Variants in MCC observed in about 807,000 individuals in gnomAD.
MCC encodes MCC regulator of Wnt signaling pathway.
Under a neutral mutation model 116.2 loss-of-function variants are expected in MCC, and 90 were observed. The ratio of observed to expected loss-of-function variants is 0.77; its 90% CI spans 0.65 to 0.92. The LOEUF (loss-of-function observed/expected upper bound fraction) is 0.92. MCC is among the 40% of genes least tolerant of loss of function. The probability of loss-of-function intolerance (pLI) is 0.00; values close to 1 mark genes in which losing one functional copy is unlikely to be tolerated. For synonymous variants in MCC, 578 were observed against 510.5 expected (o/e 1.13, Z -1.78); for missense variants, 1,516 against 1,312.2 (o/e 1.16, Z -2.40).
intron 3 of MCC, among the ~76,000 whole-genome samples, chr5:113,258,878 T>C (rs969859717): frequency 3.9e-5 from 6 of 152,242 alleles, no homozygotes; most frequent in Non-Finnish European, 8.8e-5. Flanking sequence ...TTTACTTAAT[T>C]ATGCTAATTA....
chr5:113,046,792 C>T (rs1171009989), intron 16 of MCC, among the ~76,000 whole-genome samples: 1 of 151,238 alleles, frequency 6.6e-6, no homozygotes, highest in Non-Finnish European at 1.5e-5. Context: ...GATACAGTAC[C>T]GCATGGCTGA....
chr5:113,210,813 G>C (rs1270686990), intron 3 of MCC, among the ~76,000 whole-genome samples: 1 of 152,122 alleles, frequency 6.6e-6, no homozygotes, highest in Non-Finnish European at 1.5e-5. Flanking sequence ...TATTTTCCAG[G>C]AGCTAAGATC....
chr5:113,468,403 C>T (rs1006148211), intron 1 of MCC, among the ~76,000 whole-genome samples: 1 of 152,138 alleles, frequency 6.6e-6, no homozygotes, highest in Non-Finnish European at 1.5e-5. Context: ...GGTTGTTGAA[C>T]TTTGTCAAAG....
At chr5:113,147,547 C>G (rs189085781) in intron 4 of MCC, among the ~76,000 whole-genome samples, 1 of 152,162 alleles carries the variant, frequency 6.6e-6, no homozygotes, top group East Asian at 1.9e-4. Flanking sequence ...TCAACCATCC[C>G]GTGAAGGGGG....
intron 6 of MCC, among the ~76,000 whole-genome samples, chr5:113,111,155 G>C (rs1757070331): frequency 6.6e-6 from 1 of 152,208 alleles, no homozygotes; most frequent in Admixed American, 6.5e-5. Flanking sequence ...TTTGGGGAAA[G>C]ATCCACATAT....
intron 1 of MCC, among the ~76,000 whole-genome samples, chr5:113,424,285 A>T (rs887433398): frequency 6.6e-6 from 1 of 152,114 alleles, no homozygotes; most frequent in African/African-American, 2.4e-5. Flanking sequence ...GACAAAAAAA[A>T]TTAAAAATAT....
rs35391036 is a variant in MCC, at chr5:113,332,564, C to CAAA, written c.627+7952_627+7954dup. On this transcript the variant is annotated intron_variant, in intron 3 of 18. Coordinates refer to ENST00000408903, the MANE Select transcript of MCC (RefSeq NM_001085377.2). ...GGGTGACAGAATGAGAACCTGTCTC[C>CAAA]AAAAAAAAAAAAAAAAAAAGGAATA... Among the ~76,000 whole-genome samples the CAAA allele has an allele frequency of 1.7e-4, 15 of 88,398 alleles. No individual in the cohort carries two copies. The East Asian group carries it at 2.8e-3, about 17-fold the overall frequency. The allele number at this position is 88,398 out of a possible 152,430, so 58.0% of individuals were successfully genotyped here.
chr5:113,103,517 C>G (rs1353860537), intron 7 of MCC, among the ~76,000 whole-genome samples: 1 of 152,234 alleles, frequency 6.6e-6, no homozygotes, highest in Admixed American at 6.5e-5. Context: ...AGATGGAAAA[C>G]CAGCAGTGTT....
chr5:113,035,998 T>C (rs1026181320), intron 17 of MCC, among the ~76,000 whole-genome samples: 48 of 150,796 alleles, frequency 3.2e-4, no homozygotes, highest in African/African-American at 1.1e-3. Context: ...ATTCTCATTT[T>C]TAAGGATGAG....
intron 8 of MCC, among the ~76,000 whole-genome samples, chr5:113,090,099 A>C (rs1755494824): frequency 6.6e-6 from 1 of 152,052 alleles, no homozygotes; most frequent in African/African-American, 2.4e-5. Context: ...TCCAGGAAGG[A>C]GGTGTGGCAG....
intron 2 of MCC, among the ~76,000 whole-genome samples, chr5:113,380,697 G>A (rs1225588360): frequency 6.6e-6 from 1 of 152,224 alleles, no homozygotes; most frequent in Non-Finnish European, 1.5e-5. Flanking sequence ...AGATAAGGGT[G>A]AGTGGTATGA....
intron 3 of MCC, among the ~76,000 whole-genome samples, chr5:113,289,907 C>T (rs1766417902): frequency 6.6e-6 from 1 of 152,172 alleles, no homozygotes; most frequent in African/African-American, 2.4e-5. Flanking sequence ...CTAAGACAGA[C>T]ATTCAACAGC....
intron 14 of MCC, among the ~76,000 whole-genome samples, chr5:113,054,692 C>A (rs991759062): frequency 5.9e-5 from 9 of 152,204 alleles, no homozygotes; most frequent in Non-Finnish European, 1.0e-4. Flanking sequence ...ACAGGATAGT[C>A]TGAGTATAGT....
chr5:113,394,672 A>G (rs184057448), intron 1 of MCC, among the ~76,000 whole-genome samples: 44 of 152,344 alleles, frequency 2.9e-4, no homozygotes, highest in African/African-American at 1.0e-3. Context: ...TCACTTGAAC[A>G]GCGTCTCCTT....
At chr5:113,446,081 T>C (rs1241826813) in intron 1 of MCC, among the ~76,000 whole-genome samples, 3 of 152,220 alleles carry the variant, frequency 2.0e-5, no homozygotes, top group East Asian at 3.8e-4. Context: ...CCTTTCACCA[T>C]ATATAAAAAT....
At chr5:113,125,622 A>G (rs964506242) in intron 5 of MCC, among the ~76,000 whole-genome samples, 3 of 152,190 alleles carry the variant, frequency 2.0e-5, no homozygotes, top group African/African-American at 7.2e-5. Context: ...AACTAACTCG[A>G]TTTATGATTG....
chr5:113,446,064 A>C (rs1334641535), intron 1 of MCC, among the ~76,000 whole-genome samples: 1 of 152,166 alleles, frequency 6.6e-6, no homozygotes, highest in Non-Finnish European at 1.5e-5. Flanking sequence ...ATTCAACTGA[A>C]CCCCTACCTT....
chr5:113,284,667 C>T (rs909194144), intron 3 of MCC, among the ~76,000 whole-genome samples: 1 of 152,168 alleles, frequency 6.6e-6, no homozygotes, highest in African/African-American at 2.4e-5. Context: ...GACAAGATAT[C>T]GCTTAAGTCA....
At chr5:113,081,593 A>T (rs1274646217) in intron 11 of MCC, among the ~76,000 whole-genome samples, 1 of 152,208 alleles carries the variant, frequency 6.6e-6, no homozygotes. Context: ...GGTCCCCCTG[A>T]AGGCATCTGA....
Sources: allele counts gnomAD v4.1 joint callset (sites outside exome capture counted in the v4.1 genomes callset), GRCh38; gene constraint gnomAD v4.1.1; transcripts MANE v1.5; gene names NCBI Gene and HGNC (gene_info 2026-07-23, HGNC 2026-07-21).